Variants in HCN3 observed in about 807,000 individuals in gnomAD.
The protein encoded by HCN3 is hyperpolarization activated cyclic nucleotide gated potassium channel 3.
A neutral mutation model predicts 56.8 loss-of-function variants in HCN3; 36 were observed. The ratio of observed to expected loss-of-function variants is 0.63; its 90% CI spans 0.49 to 0.84. The LOEUF (loss-of-function observed/expected upper bound fraction) is 0.84, where lower values mean the gene tolerates loss of function less well. HCN3 is among the 40% of genes least tolerant of loss of function. The pLI, the probability that HCN3 is intolerant of heterozygous loss-of-function variation, is 0.00. For synonymous variants in HCN3, 425 were observed against 439.7 expected (o/e 0.97, Z 0.42); for missense variants, 930 against 1,079.3 (o/e 0.86, Z 1.94).
At position 155,277,751 on chromosome 1, in the gene HCN3, A is replaced by G; in HGVS notation, c.161A>G (p.Gln54Arg). ...AGGAGGCACCTTGGGACGCTGCTCCAGCCTACGGTCAACAAGTTCTCCCTT... is the reference window on the plus strand; with the variant it reads ...AGGAGGCACCTTGGGACGCTGCTCCGGCCTACGGTCAACAAGTTCTCCCTT... ...PKRRHLGTLLQPTVNKFSLRV... is the reference protein window; with the variant it reads ...PKRRHLGTLLRPTVNKFSLRV... Residue 54 changes from glutamine (Q) to arginine (R), a missense_variant, in exon 1 of 8, where the codon CAG becomes CGG. Gln to Arg is a conservative substitution (Grantham distance 43, BLOSUM62 1). Coordinates refer to ENST00000368358, the MANE Select transcript of HCN3 (RefSeq NM_020897.3). 1 of 1,605,572 alleles carries G rather than the reference A, an allele frequency of 6.2e-7. No homozygotes were observed. The highest frequency in any genetic ancestry group is 8.5e-7 in the Non-Finnish European group (1 of 1,176,474).
chr1:155,287,965 G>T lies in HCN3; in HGVS notation c.1827G>T (p.Ala609=), dbSNP rs1308669882. 1 of 1,614,040 alleles carries T rather than the reference G, an allele frequency of 6.2e-7. No homozygotes were observed. The highest frequency in any genetic ancestry group is 2.2e-5 in the East Asian group (1 of 44,862). ...TACTGTGGGAGCCACTGGTACATGCGCCCCTTCAGGCAGCTGCTGTGACCT... is the reference window on the plus strand; with the variant it reads ...TACTGTGGGAGCCACTGGTACATGCTCCCCTTCAGGCAGCTGCTGTGACCT... ...KPVLWEPLVH[A]PLQAAAVTSN... Residue 609 remains alanine, a synonymous_variant, in exon 8 of 8, where the codon GCG becomes GCT. Coordinates refer to ENST00000368358, the MANE Select transcript of HCN3 (RefSeq NM_020897.3).
In HCN3 at chr1:155,288,430, AC is replaced by A. The variant is rs749396342; in HGVS notation, c.2296del (p.Arg766GlyfsTer18). The A allele has an allele frequency of 6.8e-6, 11 of 1,606,942 alleles. No individual in the cohort carries two copies. The highest frequency in any genetic ancestry group is 9.3e-6 in the Non-Finnish European group (11 of 1,177,306). ...GGCCACCAGTGCCTGAGCCAGCCACACCCCGGGGTCTCCAGCTTTCTGCCAA... is the reference window on the plus strand; with the variant it reads ...GGCCACCAGTGCCTGAGCCAGCCACACCCGGGGTCTCCAGCTTTCTGCCAA... ...PRPPVPEPAT[P>X]RGLQLSANM On this transcript the variant is annotated frameshift_variant, in exon 8 of 8. Transcript: ENST00000368358. LOFTEE classifies it high-confidence loss of function. This position sits in a 1 kb window ranked among gnomAD's most constrained non-coding sequence, Gnocchi z 6.5.
In HCN3 at chr1:155,287,906, C is replaced by T; in HGVS notation, c.1768C>T (p.Pro590Ser). Residue 590 changes from proline to serine, a missense_variant, in exon 8 of 8, where the codon CCG becomes TCG. By Grantham distance (74) the Pro-to-Ser change is moderately conservative. Coordinates refer to ENST00000368358, the MANE Select transcript of HCN3 (RefSeq NM_020897.3). ...GGCTCGGGGTGTTCGGGGTCGGGCCCCGAGCACAGGAGCTCAGCTTAGTGG... is the reference window on the plus strand; with the variant it reads ...GGCTCGGGGTGTTCGGGGTCGGGCCTCGAGCACAGGAGCTCAGCTTAGTGG... ...DMARGVRGRAPSTGAQLSGKP... is the reference protein window; with the variant it reads ...DMARGVRGRASSTGAQLSGKP... The T allele has an allele frequency of 6.2e-7, 1 of 1,613,958 alleles. No individual in the cohort carries two copies. Among genetic ancestry groups the T allele is most frequent in the South Asian group, 1.1e-5 (1 of 91,072 alleles).
Position 155,282,153 on chromosome 1 carries a change from C to T in HCN3, c.279-258C>T, listed in dbSNP as rs1397761372. ...ACATTCCTATGTGTATCTCCTGGAG[C>T]GCATATTTTCCTTGGATGTGTCTAT... On this transcript the variant is annotated intron_variant, in intron 1 of 7. Coordinates refer to ENST00000368358, the MANE Select transcript of HCN3 (RefSeq NM_020897.3). The surrounding 1 kb of genome is among the most constrained non-coding windows in gnomAD (Gnocchi z 4.7). 5.3e-5 allele frequency among the ~76,000 whole-genome samples: 8 copies of T among 152,158 alleles called. No individual in the cohort carries two copies. The highest frequency in any genetic ancestry group is 4.1e-4 in the South Asian group (2 of 4,826).
intron 7 of HCN3, 126 bp from the exon 8 acceptor site, chr1:155,287,655 A>G (rs1023511350): frequency 3.1e-6 from 4 of 1,275,070 alleles, no homozygotes; most frequent in Non-Finnish European, 4.3e-6. Context: ...CCATTGCCAT[A>G]CTACTGACTC....
Position 155,282,797 on chromosome 1 carries a change from T to C in HCN3, c.665T>C (p.Leu222Pro). ...AAGATCCTAAGCCTGCTGAGGCTGC[T>C]CCGCCTCTCCCGCCTCATCCGCTAC... ...FTKILSLLRLLRLSRLIRYIH... is the reference protein window; with the variant it reads ...FTKILSLLRLPRLSRLIRYIH... Residue 222 changes from leucine (L) to proline (P), a missense_variant, in exon 2 of 8, where the codon CTC becomes CCC. Physicochemically the swap from Leu to Pro is moderately conservative, Grantham distance 98 (BLOSUM62 -3). Coordinates refer to ENST00000368358, the MANE Select transcript of HCN3 (RefSeq NM_020897.3). The surrounding 1 kb of genome is among the most constrained non-coding windows in gnomAD (Gnocchi z 4.7). 1 of 1,538,686 alleles carries C rather than the reference T, an allele frequency of 6.5e-7. No individual in the cohort carries two copies. The highest frequency in any genetic ancestry group is 8.8e-7 in the Non-Finnish European group (1 of 1,135,140).
At chr1:155,278,914 T>C (rs1015466264) in intron 1 of HCN3, among the ~76,000 whole-genome samples, 1 of 151,978 alleles carries the variant, frequency 6.6e-6, no homozygotes, top group Non-Finnish European at 1.5e-5. Flanking sequence ...GCTTCTCCAT[T>C]CTCTATACTA....
At position 155,277,556 on chromosome 1, in the gene HCN3, T is replaced by C; in HGVS notation, c.-35T>C. On this transcript the variant is annotated 5_prime_UTR_variant, in exon 1 of 8. Coordinates refer to ENST00000368358, the MANE Select transcript of HCN3 (RefSeq NM_020897.3). The stretch of plus-strand genomic sequence containing the variant: ...CGGGTACCTGATGGCCACAGAGGGC[T>C]CTAGGAGGCCGAGCGTGTAAGCGGG... 6.5e-7 allele frequency: 1 copy of C among 1,540,664 alleles called. No individual in the cohort carries two copies. The highest frequency in any genetic ancestry group is 1.2e-5 in the South Asian group (1 of 82,220).
chr1:155,277,894 A>T (rs1374512988), intron 1 of HCN3, 26 bp downstream of exon 1: 3 of 1,604,152 alleles, frequency 1.9e-6, no homozygotes, highest in Non-Finnish European at 8.5e-7. Context: ...CGGGGAGGGC[A>T]GGGTACATCA....
In HCN3 at chr1:155,277,749, C is replaced by T. The variant is rs1426776380; in HGVS notation, c.159C>T (p.Leu53=). Residue 53 remains leucine (L), a synonymous_variant, in exon 1 of 8, where the codon CTC becomes CTT. Transcript: ENST00000368358. ...AGAGGAGGCACCTTGGGACGCTGCT[C>T]CAGCCTACGGTCAACAAGTTCTCCC... ...EPKRRHLGTL[L]QPTVNKFSLR... The T allele has an allele frequency of 3.7e-6, 6 of 1,604,584 alleles. No homozygotes were observed. Among genetic ancestry groups the T allele is most frequent in the East Asian group, 2.2e-5 (1 of 44,512 alleles).
At chr1:155,283,611 A>T (rs1195064196) in intron 2 of HCN3, among the ~76,000 whole-genome samples, 7 of 138,314 alleles carry the variant, frequency 5.1e-5, no homozygotes, top group African/African-American at 1.9e-4. Flanking sequence ...TGCTGGATTA[A>T]TTCTTACACA....
chr1:155,282,801 CCT>C lies in HCN3; in HGVS notation c.673_674del (p.Ser225ProfsTer18). 1 of 1,612,090 alleles carries C rather than the reference CCT, an allele frequency of 6.2e-7. No individual in the cohort carries two copies. The highest frequency in any genetic ancestry group is 1.1e-5 in the South Asian group (1 of 91,024). On this transcript the variant is annotated frameshift_variant, in exon 2 of 8. Coordinates refer to ENST00000368358, the MANE Select transcript of HCN3 (RefSeq NM_020897.3). LOFTEE classifies it high-confidence loss of function. The surrounding 1 kb of genome is among the most constrained non-coding windows in gnomAD (Gnocchi z 4.7). Reference sequence around the variant, plus strand: ...TCCTAAGCCTGCTGAGGCTGCTCCGCCTCTCCCGCCTCATCCGCTACATACAC... The same window carrying C: ...TCCTAAGCCTGCTGAGGCTGCTCCGCCTCCCGCCTCATCCGCTACATACAC... ...KILSLLRLLR[L>X]SRLIRYIHQW...
Position 155,288,036 on chromosome 1 carries a change from T to C in HCN3, c.1898T>C (p.Leu633Pro), listed in dbSNP as rs1371728477. ...ACTCATCAGCGGGGCCCTCTGCCCC[T>C]CTCCCCTGACTCTCCAGCCACCCTC... ...ALTHQRGPLP[L>P]SPDSPATLLA... The change falls in exon 8 of 8, where the codon CTC (leucine) becomes CCC (proline). Residue 633 changes from leucine to proline, a missense_variant. By Grantham distance (98) the Leu-to-Pro change is moderately conservative. Coordinates refer to ENST00000368358, the MANE Select transcript of HCN3 (RefSeq NM_020897.3). The surrounding 1 kb of genome is among the most constrained non-coding windows in gnomAD (Gnocchi z 6.5). The C allele has an allele frequency of 6.2e-7, 1 of 1,613,706 alleles. No homozygotes were observed. The highest frequency in any genetic ancestry group is 1.1e-5 in the South Asian group (1 of 91,076).
In HCN3 at chr1:155,277,531, C is replaced by T. The variant is rs1322810823; in HGVS notation, c.-60C>T. On this transcript the variant is annotated 5_prime_UTR_variant, in exon 1 of 8. Transcript: ENST00000368358. ...GCCGACTCCTGCTCTGGAGGGGTTG[C>T]GGGTACCTGATGGCCACAGAGGGCT... The T allele has an allele frequency of 4.0e-6, 6 of 1,492,660 alleles. No homozygotes were observed. Among genetic ancestry groups the T allele is most frequent in the African/African-American group, 2.8e-5 (2 of 72,164 alleles). The allele number at this position is 1,492,660 out of a possible 1,614,324, so 92.5% of individuals were successfully genotyped here.
intron 2 of HCN3, among the ~76,000 whole-genome samples, chr1:155,283,548 C>A: frequency 1.8e-5 from 2 of 111,516 alleles, no homozygotes; most frequent in Admixed American, 1.1e-4. Flanking sequence ...CAATGCTATC[C>A]CTCCCCCCTC....
In HCN3 at chr1:155,284,890, C is replaced by T; in HGVS notation, c.1089+133C>T. 1.1e-6 allele frequency: 1 copy of T among 910,612 alleles called. No homozygotes were observed. The highest frequency in any genetic ancestry group is 1.7e-6 in the Non-Finnish European group (1 of 603,050). The allele number at this position is 910,612 out of a possible 1,614,324, so 56.4% of individuals were successfully genotyped here. A position where few individuals can be genotyped will look rare whatever the true frequency, so the allele number is the denominator to read the frequency against. On this transcript the variant is annotated intron_variant, in intron 4 of 7. Transcript: ENST00000368358. The surrounding 1 kb of genome is among the most constrained non-coding windows in gnomAD (Gnocchi z 4.3). ...TTCCTGCCCTGTGTCCATTTGTTCC[C>T]TGCCCCTGCATGTACCTTTTCCTTG...
rs1217920428 is a variant in HCN3 at position 155,284,609 on chromosome 1, A to G, written c.941A>G (p.Tyr314Cys). 1.2e-6 allele frequency: 2 copies of G among 1,614,010 alleles called. No individual in the cohort carries two copies. The highest frequency in any genetic ancestry group is 1.7e-6 in the Non-Finnish European group (2 of 1,180,044). Residue 314 changes from tyrosine to cysteine, a missense_variant, in exon 4 of 8, where the codon TAT becomes TGT. Tyr to Cys is a radical substitution (Grantham distance 194, BLOSUM62 -2). Transcript: ENST00000368358. The surrounding 1 kb of genome is among the most constrained non-coding windows in gnomAD (Gnocchi z 4.3). ...KAMSHMLCIG[Y>C]GQQAPVGMPD... ...ATGAGCCACATGCTGTGCATTGGCTATGGGCAGCAGGCACCTGTAGGCATG... is the reference window on the plus strand; with the variant it reads ...ATGAGCCACATGCTGTGCATTGGCTGTGGGCAGCAGGCACCTGTAGGCATG...
At position 155,285,124 on chromosome 1, in the gene HCN3, C is replaced by G. The variant is rs550040482; in HGVS notation, c.1090-41C>G. On this transcript the variant is annotated intron_variant, in intron 4 of 7. Transcript: ENST00000368358. This position sits in a 1 kb window ranked among gnomAD's most constrained non-coding sequence, Gnocchi z 4.5. ...CCCACTGTGCCGGCCCCAAATCTCT[C>G]CCTCTGTCCTCTTGCCCCTGGCAAT... The G allele has an allele frequency of 6.2e-7, 1 of 1,603,774 alleles. No homozygotes were observed. Among genetic ancestry groups the G allele is most frequent in the African/African-American group, 1.3e-5 (1 of 74,864 alleles).
At chr1:155,280,327 C>T (rs940007274) in intron 1 of HCN3, among the ~76,000 whole-genome samples, 1 of 151,708 alleles carries the variant, frequency 6.6e-6, no homozygotes, top group Admixed American at 6.6e-5. Flanking sequence ...GGCAGTGGAG[C>T]GGTTTCAGCT....
Sources: gnomAD v4.1 joint callset for allele counts (sites outside exome capture counted in the v4.1 genomes callset) on GRCh38, gnomAD v4.1.1 for gene constraint, Gnocchi (gnomAD v3.1) non-coding constraint, MANE v1.5 for transcripts, NCBI Gene and HGNC (gene_info 2026-07-23, HGNC 2026-07-21) for gene names.